MOSPD2: variants seen among roughly 807,000 people sequenced by gnomAD.
MOSPD2 encodes motile sperm domain containing 2.
In MOSPD2, 5 loss-of-function variants were observed where a neutral mutation model predicts 41.7. That is an observed-to-expected ratio of 0.12 (90% CI 0.06 to 0.25). The LOEUF (loss-of-function observed/expected upper bound fraction) is 0.25. MOSPD2 is among the 10% of genes least tolerant of loss of function. The pLI is 1.00. For synonymous variants in MOSPD2, 115 were observed against 126.9 expected (o/e 0.91, Z 0.63); for missense variants, 282 against 375.2 (o/e 0.75, Z 2.05).
At chrX:14,913,891 A>G (rs1245099046) in intron 10 of MOSPD2, among the ~76,000 whole-genome samples, 2 of 111,808 alleles carry the variant, frequency 1.8e-5, no homozygotes, top group African/African-American at 3.2e-5. Context: ...AGGCATTACA[A>G]TGGAAAGTAA....
chrX:14,914,350 G>A (rs746266393), intron 10 of MOSPD2, among the ~76,000 whole-genome samples, 153 bp from the exon 11 acceptor site: 13 of 111,891 alleles, frequency 1.2e-4, no homozygotes, highest in African/African-American at 1.6e-4. Flanking sequence ...ATACAAAATT[G>A]TATTAGGTAA....
intron 2 of MOSPD2, among the ~76,000 whole-genome samples, chrX:14,878,975 G>T (rs889236329): frequency 8.9e-6 from 1 of 111,852 alleles, no homozygotes; most frequent in Non-Finnish European, 1.9e-5. Flanking sequence ...TCTGCATTTG[G>T]TGTTACTCAT....
Position 14,908,307 on chromosome X carries a change from G to A in MOSPD2, c.578-553G>A, listed in dbSNP as rs867089044. Among the ~76,000 whole-genome samples, 10 of 111,691 alleles carry A rather than the reference G, an allele frequency of 9.0e-5. No homozygotes were observed. In the East Asian group the frequency reaches 1.1e-3, roughly 12 times the overall value. On this transcript the variant is annotated intron_variant, in intron 7 of 14. Transcript: ENST00000380492. ...AAAACCAGTTTATTTTTGAGATTTC[G>A]TAAGTTTCCCACAATTATATAAACT...
chrX:14,909,696 T>C (rs1444814916), intron 8 of MOSPD2, among the ~76,000 whole-genome samples: 1 of 111,958 alleles, frequency 8.9e-6, no homozygotes, highest in Non-Finnish European at 1.9e-5. Context: ...GTTTCACTTA[T>C]TTGATTTTTT....
intron 7 of MOSPD2, among the ~76,000 whole-genome samples, chrX:14,907,828 T>G (rs1369030201): frequency 9.0e-6 from 1 of 111,519 alleles, no homozygotes; most frequent in African/African-American, 3.3e-5. Flanking sequence ...TTGACTTGTA[T>G]AAAGGGGGGA....
At chrX:14,884,150 A>G (rs1469486215) in intron 2 of MOSPD2, among the ~76,000 whole-genome samples, 1 of 111,291 alleles carries the variant, frequency 9.0e-6, no homozygotes, top group Non-Finnish European at 1.9e-5. Flanking sequence ...CTTTTTAGGC[A>G]TGCAAAGATT....
intron 2 of MOSPD2, among the ~76,000 whole-genome samples, chrX:14,889,566 T>A (rs1410901368): frequency 1.9e-5 from 2 of 106,751 alleles, no homozygotes; most frequent in Non-Finnish European, 3.9e-5. Flanking sequence ...CATTGTCCTC[T>A]GTCGTCTTCT....
At position 14,916,219 on chromosome X, in the gene MOSPD2, C is replaced by A; in HGVS notation, c.1209C>A (p.Asp403Glu). The change falls in exon 13 of 15, where the codon GAC becomes GAA. Residue 403 changes from aspartate (D) to glutamate (E), a missense_variant. By Grantham distance (45) the Asp-to-Glu change is conservative. This residue lies in a region of MOSPD2 where 94 missense variants were observed against 102.1 expected (regional missense o/e 0.92). Coordinates refer to ENST00000380492, the MANE Select transcript of MOSPD2 (RefSeq NM_152581.4). Reference protein sequence around the residue: ...PHGGLTVSAQDRFLIMAAEME... With the variant: ...PHGGLTVSAQERFLIMAAEME... ...CAGGTTTAACAGTCTCTGCCCAAGA[C>A]CGTTTTCTGATAATGGCTGCAGAAA... The A allele has an allele frequency of 8.3e-7, 1 of 1,211,779 alleles. No individual in the cohort carries two copies.
At chrX:14,876,004 T>C (rs1055062030) in intron 2 of MOSPD2, among the ~76,000 whole-genome samples, 2 of 111,986 alleles carry the variant, frequency 1.8e-5, no homozygotes, top group African/African-American at 6.5e-5. Context: ...CAGTTCTCAA[T>C]ATATACTTAC....
intron 6 of MOSPD2, 114 bp from the exon 7 acceptor site, chrX:14,902,852 C>A (rs2092575445): frequency 5.7e-6 from 3 of 524,384 alleles, no homozygotes; most frequent in Non-Finnish European, 1.0e-5. Context: ...AGAGCTCAGA[C>A]AACAAGCTCA....
rs67026831 is a variant in MOSPD2 at position 14,903,343 on chromosome X, T to TAA, written c.577+353_577+354dup. ...GGGCAACATAATGATACCCATCTCT[T>TAA]AAAAAAAAAAAAAAATTAACAACAG... On this transcript the variant is annotated intron_variant, in intron 7 of 14. Transcript: ENST00000380492. 4.5e-4 allele frequency among the ~76,000 whole-genome samples: 45 copies of TAA among 99,378 alleles called. 1 individual carries two copies. Among genetic ancestry groups the TAA allele is most frequent in the South Asian group, 9.1e-4 (2 of 2,199 alleles). The allele number at this position is 99,378 out of a possible 115,157, so 86.3% of individuals were successfully genotyped here. A position where few individuals can be genotyped will look rare whatever the true frequency, so the allele number is the denominator to read the frequency against.
chrX:14,904,868 C>G (rs755955519), intron 7 of MOSPD2, among the ~76,000 whole-genome samples: 16 of 111,398 alleles, frequency 1.4e-4, no homozygotes, highest in African/African-American at 5.2e-4. Context: ...TCAGTCTCCC[C>G]CAAGGTCTAC....
At chrX:14,906,535 G>A (rs1253451526) in intron 7 of MOSPD2, among the ~76,000 whole-genome samples, 1 of 97,976 alleles carries the variant, frequency 1.0e-5, no homozygotes, top group African/African-American at 3.9e-5. Flanking sequence ...TGGTTTCTTA[G>A]ATATGACAAC....
At chrX:14,885,237 A>G (rs998680287) in intron 2 of MOSPD2, 2 of 111,813 alleles carry the variant, frequency 1.8e-5, no homozygotes, top group African/African-American at 6.5e-5. Context: ...GAAAATTCCA[A>G]AGAAGCTACA....
chrX:14,912,228 A>AT, intron 9 of MOSPD2, 21 bp from the exon 10 acceptor site: 1 of 1,010,706 alleles, frequency 9.9e-7, no homozygotes, highest in Non-Finnish European at 1.3e-6. Context: ...CTAAATAGTT[A>AT]TCCTTTTTTT....
chrX:14,890,129 TACTGGC>T (rs2092551038), intron 2 of MOSPD2, among the ~76,000 whole-genome samples: 1 of 111,459 alleles, frequency 9.0e-6, no homozygotes, highest in Non-Finnish European at 1.9e-5. Flanking sequence ...GTGTAATCAG[TACTGGC>T]TGCTTCGCCC....
rs1194054230 is a variant in MOSPD2, at chrX:14,888,195, TACACACACACGCACAC to T, written c.80-4517_80-4502del. ...TGAGGACAAGTATTGGGAGAATATA[TACACACACACGCACAC>T]ACACACACACACACACACACACACA... On this transcript the variant is annotated intron_variant, in intron 2 of 14. Coordinates refer to ENST00000380492, the MANE Select transcript of MOSPD2 (RefSeq NM_152581.4). Among the ~76,000 whole-genome samples the T allele has an allele frequency of 5.9e-3, 524 of 88,711 alleles. 3 individuals are homozygous for T. The highest frequency in any genetic ancestry group is 0.019 in the South Asian group (35 of 1,829). The allele number at this position is 88,711 out of a possible 115,157, so 77.0% of individuals were successfully genotyped here.
In MOSPD2 at chrX:14,901,635, G is replaced by A. The variant is rs549358655; in HGVS notation, c.538+1000G>A. Among the ~76,000 whole-genome samples the A allele has an allele frequency of 1.5e-4, 17 of 110,386 alleles. No homozygotes were observed. The South Asian group carries it at 5.0e-3, about 33-fold the overall frequency. On this transcript the variant is annotated intron_variant, in intron 6 of 14. Coordinates refer to ENST00000380492, the MANE Select transcript of MOSPD2 (RefSeq NM_152581.4). ...AAGAATGATCAATAGTGTCCAGTTT[G>A]GGGAACCTGTACTATCTTCTGTTCC...
At chrX:14,901,051 T>C (rs1219947795) in intron 6 of MOSPD2, among the ~76,000 whole-genome samples, 1 of 111,952 alleles carries the variant, frequency 8.9e-6, no homozygotes, top group Non-Finnish European at 1.9e-5. Context: ...CACTGTATAA[T>C]AAGCAATATT....
Sources: allele counts gnomAD v4.1 joint callset (sites outside exome capture counted in the v4.1 genomes callset), GRCh38; gene constraint gnomAD v4.1.1; regional missense constraint gnomAD v4.1.1; transcripts MANE v1.5; gene names NCBI Gene and HGNC (gene_info 2026-07-23, HGNC 2026-07-21).